Variants in WWOX observed in about 807,000 individuals in gnomAD.
The protein encoded by WWOX is WW domain containing oxidoreductase.
WWOX carries 69 observed loss-of-function variants against 46.2 expected under a neutral mutation model. The observed-to-expected ratio is 1.49, with a 90% CI of 1.23 to 1.82. The LOEUF (loss-of-function observed/expected upper bound fraction) is 1.82. Among genes scored for constraint, WWOX ranks in the 40% most tolerant of loss-of-function variants. The pLI is 0.00. For missense variants in WWOX, 919 were observed against 542.6 expected, an observed-to-expected ratio of 1.69 and a Z score of -6.89; for synonymous variants, 359 against 202.6, an observed-to-expected ratio of 1.77 and a Z score of -6.56.
rs967822538 is a variant in WWOX, at chr16:78,711,030, GACCTAACCA to G, written c.1056+278281_1056+278289del. ...CATGTTTGTCAAGGCCAGATTTCAG[GACCTAACCA>G]ACACCCGACAGGCATCTTAGAAAGT... On this transcript the variant is annotated intron_variant, in intron 8 of 8. Coordinates refer to ENST00000566780, the MANE Select transcript of WWOX (RefSeq NM_016373.4). 1.6e-4 allele frequency among the ~76,000 whole-genome samples: 24 copies of G among 152,278 alleles called. No homozygotes were observed. The East Asian group carries it at 4.6e-3, about 29-fold the overall frequency.
intron 5 of WWOX, among the ~76,000 whole-genome samples, chr16:78,313,245 A>C (rs1422951932): frequency 3.9e-5 from 6 of 152,182 alleles, no homozygotes; most frequent in Non-Finnish European, 7.4e-5. Flanking sequence ...GGGATCCTTG[A>C]CTTCCTTATC....
chr16:78,216,138 G>C (rs1180614701), intron 5 of WWOX, among the ~76,000 whole-genome samples: 2 of 152,100 alleles, frequency 1.3e-5, no homozygotes. Flanking sequence ...ATCTCAATTT[G>C]TTTCTGATTC....
At chr16:78,567,706 G>T (rs1244427489) in intron 8 of WWOX, among the ~76,000 whole-genome samples, 4 of 152,002 alleles carry the variant, frequency 2.6e-5, no homozygotes, top group African/African-American at 9.7e-5. Flanking sequence ...ACTGGCTGTG[G>T]AGAGTTCCAG....
intron 8 of WWOX, among the ~76,000 whole-genome samples, chr16:78,627,523 G>C (rs144277991): frequency 1.5e-3 from 229 of 152,292 alleles, no homozygotes; most frequent in African/African-American, 5.2e-3. Context: ...CCAACAAGAA[G>C]TCACCAATGA....
chr16:78,453,531 T>C (rs1328212157), intron 8 of WWOX, among the ~76,000 whole-genome samples: 1 of 152,082 alleles, frequency 6.6e-6, no homozygotes, highest in African/African-American at 2.4e-5. Context: ...AAGGACTCAA[T>C]ACGTGGGTTT....
At chr16:78,410,310 T>C (rs2151949399) in intron 6 of WWOX, among the ~76,000 whole-genome samples, 1 of 152,326 alleles carries the variant, frequency 6.6e-6, no homozygotes, top group Middle Eastern at 3.4e-3. Flanking sequence ...CAAGAATAGC[T>C]TAACACACAA....
chr16:78,193,920 C>T (rs916241927), intron 5 of WWOX, among the ~76,000 whole-genome samples: 2 of 150,848 alleles, frequency 1.3e-5, no homozygotes, highest in Non-Finnish European at 2.9e-5. Context: ...CACTGTCGCC[C>T]AGGCTGGAGT....
chr16:78,258,379 T>C (rs1250675951), intron 5 of WWOX, among the ~76,000 whole-genome samples: 1 of 152,190 alleles, frequency 6.6e-6, no homozygotes, highest in African/African-American at 2.4e-5. Flanking sequence ...GCCAACATGT[T>C]CTTTTTTGGT....
chr16:78,886,097 G>A (rs553285865), intron 8 of WWOX, among the ~76,000 whole-genome samples: 18 of 151,832 alleles, frequency 1.2e-4, no homozygotes, highest in African/African-American at 4.3e-4. Flanking sequence ...GCTAATTTTT[G>A]TATATTTAGT....
intron 8 of WWOX, among the ~76,000 whole-genome samples, chr16:78,573,479 C>T (rs1452038583): frequency 1.3e-5 from 2 of 152,174 alleles, no homozygotes; most frequent in Non-Finnish European, 2.9e-5. Flanking sequence ...CCATTCCATT[C>T]TATATGTCAG....
At chr16:78,337,209 C>T (rs2080912574) in intron 5 of WWOX, among the ~76,000 whole-genome samples, 1 of 152,180 alleles carries the variant, frequency 6.6e-6, no homozygotes, top group African/African-American at 2.4e-5. Context: ...TAGCAAATCC[C>T]TCAATGTGTT....
At chr16:78,500,322 T>G (rs1305535790) in intron 8 of WWOX, among the ~76,000 whole-genome samples, 1 of 152,222 alleles carries the variant, frequency 6.6e-6, no homozygotes, top group Non-Finnish European at 1.5e-5. Flanking sequence ...TTAAATTGAA[T>G]TATTCCCGCT....
chr16:79,197,751 C>G (rs947874941), intron 8 of WWOX, among the ~76,000 whole-genome samples: 4 of 152,088 alleles, frequency 2.6e-5, no homozygotes, highest in Admixed American at 6.5e-5. Flanking sequence ...GGTGAAAACA[C>G]AAACACCCAG....
At chr16:78,858,117 A>T (rs1015605827) in intron 8 of WWOX, among the ~76,000 whole-genome samples, 1 of 149,274 alleles carries the variant, frequency 6.7e-6, no homozygotes, top group African/African-American at 2.5e-5. Flanking sequence ...AATTAAAAAG[A>T]TACCTCTATA....
At chr16:78,433,567 C>G (rs186401600) in intron 8 of WWOX, among the ~76,000 whole-genome samples, 2 of 152,068 alleles carry the variant, frequency 1.3e-5, no homozygotes, top group Non-Finnish European at 2.9e-5. Flanking sequence ...CAGAAATCAC[C>G]CTTTTCCCAA....
At chr16:79,110,649 ATTG>A (rs1475070814) in intron 8 of WWOX, 4 of 152,142 alleles carry the variant, frequency 2.6e-5, no homozygotes, top group Non-Finnish European at 5.9e-5. Flanking sequence ...TTTTCTCTTC[ATTG>A]TTGTTAAACT....
At chr16:78,793,771 G>C (rs1341749157) in intron 8 of WWOX, among the ~76,000 whole-genome samples, 4 of 152,040 alleles carry the variant, frequency 2.6e-5, no homozygotes, top group Non-Finnish European at 5.9e-5. Context: ...GAGGAATCCA[G>C]GTTAGAAACA....
intron 8 of WWOX, among the ~76,000 whole-genome samples, chr16:78,695,221 T>C (rs2048073362): frequency 6.6e-6 from 1 of 152,180 alleles, no homozygotes; most frequent in Non-Finnish European, 1.5e-5. Context: ...CCTTTTGTTA[T>C]TATTCTATTA....
At chr16:78,785,583 C>T (rs1176568605) in intron 8 of WWOX, among the ~76,000 whole-genome samples, 2 of 152,142 alleles carry the variant, frequency 1.3e-5, no homozygotes, top group Non-Finnish European at 2.9e-5. Flanking sequence ...ATACACAGTA[C>T]TGTTTCTTAT....
Sources: allele counts gnomAD v4.1 joint callset (sites outside exome capture counted in the v4.1 genomes callset), GRCh38; gene constraint gnomAD v4.1.1; transcripts MANE v1.5; gene names NCBI Gene and HGNC (gene_info 2026-07-23, HGNC 2026-07-21).